Variants in PMEPA1 observed in about 807,000 individuals in gnomAD.
PMEPA1 encodes protein TMEPAI.
In PMEPA1, 11 loss-of-function variants were observed where a neutral mutation model predicts 23.0. The observed-to-expected ratio is 0.48, with a 90% CI of 0.30 to 0.79. The LOEUF is 0.79. Among genes scored for constraint, PMEPA1 ranks in the 30% least tolerant of loss-of-function variants. The pLI is 0.06. For synonymous variants in PMEPA1, 204 were observed against 166.4 expected (o/e 1.23, Z -1.74); for missense variants, 377 against 390.9 (o/e 0.96, Z 0.30).
intron 1 of PMEPA1, among the ~76,000 whole-genome samples, chr20:57,690,226 C>T (rs2071858635): frequency 6.6e-6 from 1 of 152,242 alleles, no homozygotes; most frequent in South Asian, 2.1e-4. Flanking sequence ...CCCAAGCAAG[C>T]CTCTGACCTC....
chr20:57,663,171 A>G (rs1600633224), intron 1 of PMEPA1, among the ~76,000 whole-genome samples: 1 of 152,176 alleles, frequency 6.6e-6, no homozygotes, highest in Admixed American at 6.5e-5. Context: ...GGGAGAGGAG[A>G]GAGAAAAACT....
At chr20:57,700,036 T>G (rs2071990454) in intron 1 of PMEPA1, 2 of 471,134 alleles carry the variant, frequency 4.2e-6, no homozygotes, top group South Asian at 3.1e-5. Flanking sequence ...TCTTAACCAC[T>G]GACACTCAGG....
intron 1 of PMEPA1, among the ~76,000 whole-genome samples, chr20:57,686,628 C>T (rs1429957411): frequency 6.6e-6 from 1 of 152,196 alleles, no homozygotes; most frequent in Non-Finnish European, 1.5e-5. Flanking sequence ...ACTAACCAGC[C>T]ACTAACACGG....
intron 1 of PMEPA1, among the ~76,000 whole-genome samples, chr20:57,697,982 C>T (rs895331167): frequency 2.6e-5 from 4 of 152,322 alleles, no homozygotes; most frequent in South Asian, 4.1e-4. Flanking sequence ...CTCCCTTACA[C>T]GTGAGCCTAA....
chr20:57,672,945 C>T (rs1673147352), intron 1 of PMEPA1, among the ~76,000 whole-genome samples: 1 of 152,202 alleles, frequency 6.6e-6, no homozygotes, highest in Non-Finnish European at 1.5e-5. Context: ...CACCCACGCA[C>T]GGGTTGCTGT....
chr20:57,657,492 G>C (rs1329716152), intron 2 of PMEPA1, among the ~76,000 whole-genome samples: 1 of 152,242 alleles, frequency 6.6e-6, no homozygotes, highest in Non-Finnish European at 1.5e-5. Context: ...CTGGGCAGAC[G>C]TAACCAGTGC....
chr20:57,701,800 G>T, intron 1 of PMEPA1, among the ~76,000 whole-genome samples: 1 of 152,102 alleles, frequency 6.6e-6, no homozygotes, highest in East Asian at 1.9e-4. Flanking sequence ...CAAGAATCTG[G>T]AATCTCTTGA....
At chr20:57,692,901 C>T (rs781410170) in intron 1 of PMEPA1, among the ~76,000 whole-genome samples, 12 of 152,220 alleles carry the variant, frequency 7.9e-5, no homozygotes, top group Non-Finnish European at 1.2e-4. Context: ...TCTTTCACAA[C>T]TCATGATAAT....
At chr20:57,702,328 C>A (rs912928694) in intron 1 of PMEPA1, among the ~76,000 whole-genome samples, 1 of 152,158 alleles carries the variant, frequency 6.6e-6, no homozygotes, top group Non-Finnish European at 1.5e-5. Context: ...CCCGCCACGA[C>A]ATCTGTTGGT....
chr20:57,694,337 GA>G (rs767939153), intron 1 of PMEPA1, among the ~76,000 whole-genome samples: 1 of 152,100 alleles, frequency 6.6e-6, no homozygotes, highest in Non-Finnish European at 1.5e-5. Flanking sequence ...CTTTTCAACT[GA>G]AATAAAATAT....
At chr20:57,705,836 G>A (rs1363557104) in intron 1 of PMEPA1, among the ~76,000 whole-genome samples, 1 of 152,126 alleles carries the variant, frequency 6.6e-6, no homozygotes, top group Non-Finnish European at 1.5e-5. Context: ...TATCTAGTGG[G>A]TGTGGGAGAG....
chr20:57,692,263 C>G (rs953761385), intron 1 of PMEPA1, among the ~76,000 whole-genome samples: 8 of 152,192 alleles, frequency 5.3e-5, no homozygotes, highest in Non-Finnish European at 1.0e-4. Flanking sequence ...GACGCAACCC[C>G]GAGGACACTC....
chr20:57,674,748 A>G (rs1327459195), intron 1 of PMEPA1, among the ~76,000 whole-genome samples: 1 of 152,168 alleles, frequency 6.6e-6, no homozygotes, highest in East Asian at 1.9e-4. Flanking sequence ...GGCAGCGCAT[A>G]TATTTATCGT....
Position 57,654,175 on chromosome 20 carries a change from C to A in PMEPA1, c.265-1089G>T, listed in dbSNP as rs533886622. On this transcript the variant is annotated intron_variant, in intron 2 of 3. Coordinates refer to ENST00000341744, the MANE Select transcript of PMEPA1 (RefSeq NM_020182.5). Reference sequence around the variant, plus strand: ...CAGTTCCTCTGAGTTTCCCCAAATGCCATGACGGTGAGCCCTGGGCCCGGG... The same window carrying A: ...CAGTTCCTCTGAGTTTCCCCAAATGACATGACGGTGAGCCCTGGGCCCGGG... Among the ~76,000 whole-genome samples the A allele has an allele frequency of 2.7e-3, 412 of 152,288 alleles. 1 individual carries two copies. The highest frequency in any genetic ancestry group is 4.7e-3 in the Non-Finnish European group (319 of 68,022).
Position 57,709,939 on chromosome 20 carries a change from C to T in PMEPA1, c.-357G>A, listed in dbSNP as rs2072149071. ...CCTCCGCCGCCGCCGCCGCCGCCGC[C>T]TCCTCCTCCTCATTCAAGTCCAAGG... On this transcript the variant is annotated 5_prime_UTR_variant, in exon 1 of 4. Transcript: ENST00000341744. 3 of 1,010,886 alleles carry T rather than the reference C, an allele frequency of 3.0e-6. No individual in the cohort carries two copies. Among genetic ancestry groups the T allele is most frequent in the Non-Finnish European group, 2.4e-6 (2 of 849,714 alleles). The allele number at this position is 1,010,886 out of a possible 1,614,324, so 62.6% of individuals were successfully genotyped here. A position where few individuals can be genotyped will look rare whatever the true frequency, so the allele number is the denominator to read the frequency against.
intron 1 of PMEPA1, among the ~76,000 whole-genome samples, chr20:57,663,926 GGCAC>G (rs1423762301): frequency 1.3e-5 from 2 of 152,240 alleles, no homozygotes; most frequent in Non-Finnish European, 2.9e-5. Flanking sequence ...AGGCTGGTCA[GGCAC>G]AGCAGCATTG....
At chr20:57,689,941 C>T (rs2071853759) in intron 1 of PMEPA1, among the ~76,000 whole-genome samples, 1 of 152,264 alleles carries the variant, frequency 6.6e-6, no homozygotes, top group Non-Finnish European at 1.5e-5. Context: ...CCAGTGGCTG[C>T]ATCGCCCGGC....
intron 1 of PMEPA1, among the ~76,000 whole-genome samples, chr20:57,677,401 G>A (rs1568974548): frequency 6.6e-6 from 1 of 152,168 alleles, no homozygotes; most frequent in Non-Finnish European, 1.5e-5. Context: ...CTTGTTCATT[G>A]TCAAGTGCAC....
At chr20:57,680,914 T>A (rs575013165) in intron 1 of PMEPA1, among the ~76,000 whole-genome samples, 1 of 152,188 alleles carries the variant, frequency 6.6e-6, no homozygotes, top group Non-Finnish European at 1.5e-5. Context: ...CGGAGAGCAG[T>A]CTGCGTGAGG....
Sources: allele counts gnomAD v4.1 joint callset (sites outside exome capture counted in the v4.1 genomes callset), GRCh38; gene constraint gnomAD v4.1.1; transcripts MANE v1.5; gene names NCBI Gene and HGNC (gene_info 2026-07-23, HGNC 2026-07-21).